Variants in ADAMTSL1 observed in about 807,000 individuals in gnomAD.
ADAMTSL1 encodes ADAMTS like 1.
A neutral mutation model predicts 201.8 loss-of-function variants in ADAMTSL1; 126 were observed. The ratio of observed to expected loss-of-function variants is 0.62; its 90% CI spans 0.54 to 0.72. The LOEUF (loss-of-function observed/expected upper bound fraction) is 0.72. Among genes scored for constraint, ADAMTSL1 ranks in the 30% least tolerant of loss-of-function variants. The pLI is 0.00. For synonymous variants in ADAMTSL1, 1,121 were observed against 903.4 expected, an observed-to-expected ratio of 1.24 and a Z score of -4.32; for missense variants, 2,679 against 2,277.8, an observed-to-expected ratio of 1.18 and a Z score of -3.59.
chr9:18,069,968 G>C (rs928962928), intron 1 of ADAMTSL1, among the ~76,000 whole-genome samples: 2 of 152,154 alleles, frequency 1.3e-5, no homozygotes, highest in African/African-American at 2.4e-5. Flanking sequence ...TTTGGTTTCA[G>C]AACTTGTCAT....
chr9:17,979,580 T>C (rs1755271), intron 1 of ADAMTSL1, among the ~76,000 whole-genome samples: 80,252 of 151,206 alleles, frequency 0.53, 23,072 homozygotes, highest in East Asian at 0.92. Flanking sequence ...TTTTCATGTA[T>C]TGGTACTGAA....
At chr9:18,883,545 T>G (rs1167965294) in intron 23 of ADAMTSL1, among the ~76,000 whole-genome samples, 4 of 152,208 alleles carry the variant, frequency 2.6e-5, no homozygotes, top group Non-Finnish European at 5.9e-5. Flanking sequence ...CCAGAATTTT[T>G]TCATCAACTG....
intron 22 of ADAMTSL1, among the ~76,000 whole-genome samples, chr9:18,827,221 T>C (rs1824634751): frequency 6.6e-6 from 1 of 151,786 alleles, no homozygotes; most frequent in South Asian, 2.1e-4. Flanking sequence ...ATTAGAGCAC[T>C]TATGCTCTAA....
intron 13 of ADAMTSL1, among the ~76,000 whole-genome samples, chr9:18,699,549 C>G (rs1831801332): frequency 6.6e-6 from 1 of 151,994 alleles, no homozygotes; most frequent in Admixed American, 6.6e-5. Context: ...AGGCTGGTCT[C>G]AAACTCTTGG....
chr9:18,566,425 C>G (rs977818921), intron 3 of ADAMTSL1, among the ~76,000 whole-genome samples: 2 of 152,084 alleles, frequency 1.3e-5, no homozygotes, highest in Admixed American at 1.3e-4. Context: ...AGTAAATTAT[C>G]CGATATACTT....
chr9:18,745,049 C>A (rs998239487), intron 15 of ADAMTSL1, among the ~76,000 whole-genome samples: 5 of 152,120 alleles, frequency 3.3e-5, no homozygotes, highest in African/African-American at 1.2e-4. Context: ...GATGGCCAGC[C>A]AGGTGTTTCC....
intron 1 of ADAMTSL1, among the ~76,000 whole-genome samples, chr9:18,153,266 A>T (rs1827000258): frequency 6.6e-6 from 1 of 152,002 alleles, no homozygotes; most frequent in African/African-American, 2.4e-5. Context: ...GGCATCAAGA[A>T]ATCTACATTT....
intron 1 of ADAMTSL1, among the ~76,000 whole-genome samples, chr9:18,093,117 C>T (rs781483631): frequency 2.0e-5 from 3 of 151,638 alleles, no homozygotes; most frequent in Non-Finnish European, 4.4e-5. Flanking sequence ...AGGTAGCAGC[C>T]GACAAGTACA....
At chr9:18,881,631 C>T (rs1198769798) in intron 23 of ADAMTSL1, among the ~76,000 whole-genome samples, 1 of 152,188 alleles carries the variant, frequency 6.6e-6, no homozygotes. Flanking sequence ...GAAAATTTTA[C>T]ACAGAGACAT....
At chr9:18,508,770 T>C (rs1817834439) in intron 2 of ADAMTSL1, among the ~76,000 whole-genome samples, 1 of 152,164 alleles carries the variant, frequency 6.6e-6, no homozygotes, top group South Asian at 2.1e-4. Context: ...CAAAATATAA[T>C]ATTAATAAAA....
chr9:18,721,812 A>G, intron 15 of ADAMTSL1, 147 bp downstream of exon 15: 1 of 1,302,678 alleles, frequency 7.7e-7, no homozygotes, highest in East Asian at 2.7e-5. Context: ...AAATCCACTT[A>G]AGTTTAATTG....
At chr9:18,329,459 A>T (rs1174323602) in intron 2 of ADAMTSL1, among the ~76,000 whole-genome samples, 1 of 152,142 alleles carries the variant, frequency 6.6e-6, no homozygotes, top group Non-Finnish European at 1.5e-5. Flanking sequence ...TAAGAGTGTG[A>T]CCCAAGGAGT....
chr9:18,851,991 A>G (rs932342785), intron 23 of ADAMTSL1, among the ~76,000 whole-genome samples: 3 of 152,128 alleles, frequency 2.0e-5, no homozygotes, highest in African/African-American at 7.2e-5. Context: ...TTTTAGAGAG[A>G]CAGTTTAACC....
intron 4 of ADAMTSL1, among the ~76,000 whole-genome samples, chr9:18,583,050 G>T (rs1823218218): frequency 6.6e-6 from 1 of 152,106 alleles, no homozygotes; most frequent in Non-Finnish European, 1.5e-5. Context: ...TTTGTAAATT[G>T]CTCGGTCTTG....
chr9:18,626,799 T>A (rs1484595720), intron 5 of ADAMTSL1, among the ~76,000 whole-genome samples: 1 of 144,668 alleles, frequency 6.9e-6, no homozygotes, highest in Non-Finnish European at 1.6e-5. Flanking sequence ...ACTGCACCTG[T>A]ATTTATTTTC....
chr9:18,871,741 C>T (rs1469071583), intron 23 of ADAMTSL1, among the ~76,000 whole-genome samples: 2 of 152,146 alleles, frequency 1.3e-5, no homozygotes, highest in East Asian at 3.8e-4. Flanking sequence ...TATTTGCATC[C>T]TCCCCTTTCT....
At chr9:18,748,267 A>G (rs886121181) in intron 15 of ADAMTSL1, among the ~76,000 whole-genome samples, 3 of 152,224 alleles carry the variant, frequency 2.0e-5, no homozygotes, top group Admixed American at 1.3e-4. Context: ...GCTGAAAGAA[A>G]CCATAGCAGT....
chr9:18,509,241 TATG>T (rs1817875973), intron 2 of ADAMTSL1, among the ~76,000 whole-genome samples: 1 of 103,556 alleles, frequency 9.7e-6, no homozygotes, highest in African/African-American at 3.6e-5. Flanking sequence ...AAGAAATAGA[TATG>T]TTCTGGGATA....
rs139003542 is a variant in ADAMTSL1, at chr9:18,578,504, C to A, written c.474+4238C>A. ...TGTATGAATAGTTAAAGACAAGAGG[C>A]TCTGGAATCATACCATCTAGGTTGG... On this transcript the variant is annotated intron_variant, in intron 4 of 28. Coordinates refer to ENST00000380548, the MANE Select transcript of ADAMTSL1 (RefSeq NM_001040272.6). Among the ~76,000 whole-genome samples the A allele has an allele frequency of 1.0e-3, 158 of 152,202 alleles. 2 individuals are homozygous for A. The East Asian group carries it at 0.022, about 21-fold the overall frequency.
Sources: gnomAD v4.1 joint callset for allele counts (sites outside exome capture counted in the v4.1 genomes callset) on GRCh38, gnomAD v4.1.1 for gene constraint, MANE v1.5 for transcripts, NCBI Gene and HGNC (gene_info 2026-07-23, HGNC 2026-07-21) for gene names.